THADA: variants seen among roughly 807,000 people sequenced by gnomAD.
The protein encoded by THADA is tRNA (32-2'-O)-methyltransferase regulator THADA.
Under a neutral mutation model 219.8 loss-of-function variants are expected in THADA, and 213 were observed. That is an observed-to-expected ratio of 0.97 (90% CI 0.87 to 1.09). The LOEUF is 1.09. THADA is among the 50% of genes least tolerant of loss of function. The pLI is 0.00. For synonymous variants in THADA, 1,018 were observed against 828.9 expected, an observed-to-expected ratio of 1.23 and a Z score of -3.92; for missense variants, 2,956 against 2,311.3, an observed-to-expected ratio of 1.28 and a Z score of -5.72.
At chr2:43,310,598 A>C (rs1311869453) in intron 31 of THADA, among the ~76,000 whole-genome samples, 1 of 152,220 alleles carries the variant, frequency 6.6e-6, no homozygotes, top group Non-Finnish European at 1.5e-5. Context: ...TTAACTCAAC[A>C]TGGATCATAA....
intron 28 of THADA, among the ~76,000 whole-genome samples, chr2:43,404,158 G>C (rs1353181834): frequency 2.6e-5 from 4 of 152,040 alleles, no homozygotes; most frequent in Admixed American, 2.6e-4. Context: ...GTAATGAAGA[G>C]GGGAACTCCT....
chr2:43,351,916 A>G (rs1038973026), intron 29 of THADA, among the ~76,000 whole-genome samples: 4 of 152,244 alleles, frequency 2.6e-5, no homozygotes, highest in East Asian at 3.8e-4. Context: ...AGGGCCCCCA[A>G]CAAGGGCCCC....
intron 29 of THADA, among the ~76,000 whole-genome samples, chr2:43,344,472 T>C (rs1397616730): frequency 6.6e-6 from 1 of 152,242 alleles, no homozygotes; most frequent in African/African-American, 2.4e-5. Context: ...TCCCCAAAAC[T>C]GATGACTGTG....
chr2:43,564,486 T>C (rs1455606589), intron 15 of THADA: 1 of 152,300 alleles, frequency 6.6e-6, no homozygotes, highest in Non-Finnish European at 1.5e-5. Context: ...AATCTCTCTC[T>C]GCCTCTGTCT....
At chr2:43,561,099 C>T (rs995760011) in intron 15 of THADA, among the ~76,000 whole-genome samples, 19 of 151,350 alleles carry the variant, frequency 1.3e-4, no homozygotes, top group African/African-American at 4.6e-4. Flanking sequence ...ATGACATATC[C>T]TGATAGACTT....
intron 24 of THADA, among the ~76,000 whole-genome samples, chr2:43,502,008 AAACAG>A (rs1478658957): frequency 1.3e-5 from 2 of 152,218 alleles, no homozygotes; most frequent in Admixed American, 6.5e-5. Context: ...GACAGCACAG[AAACAG>A]AACCACCTAT....
intron 28 of THADA, among the ~76,000 whole-genome samples, chr2:43,424,948 T>C (rs906064462): frequency 6.6e-6 from 1 of 152,138 alleles, no homozygotes; most frequent in East Asian, 1.9e-4. Context: ...AGACATTACG[T>C]CTATATCCAG....
chr2:43,497,890 AAAAC>A (rs902781304), intron 25 of THADA, among the ~76,000 whole-genome samples: 5 of 152,114 alleles, frequency 3.3e-5, no homozygotes, highest in African/African-American at 1.2e-4. Flanking sequence ...AACTCAATTA[AAAAC>A]AAACAAACAA....
intron 30 of THADA, among the ~76,000 whole-genome samples, chr2:43,334,448 C>T (rs1399238204): frequency 6.6e-6 from 1 of 152,208 alleles, no homozygotes; most frequent in African/African-American, 2.4e-5. Flanking sequence ...CCTCTACCAT[C>T]TCTTCCCCTC....
At chr2:43,486,749 C>G (rs181333853) in intron 25 of THADA, 1 of 152,242 alleles carries the variant, frequency 6.6e-6, no homozygotes, top group East Asian at 1.9e-4. Context: ...AAATATAAGT[C>G]CAGTTTTGCC....
chr2:43,485,389 T>G, intron 25 of THADA, 64 bp from the exon 26 acceptor site: 1 of 1,140,354 alleles, frequency 8.8e-7, no homozygotes, highest in Non-Finnish European at 1.3e-6. Context: ...ACGTTTACAA[T>G]GTTCAAACTA....
At chr2:43,529,068 T>C (rs908726903) in intron 21 of THADA, among the ~76,000 whole-genome samples, 5 of 152,034 alleles carry the variant, frequency 3.3e-5, no homozygotes, top group African/African-American at 9.7e-5. Context: ...GACAGAACCA[T>C]GGAATTTGCC....
At chr2:43,333,995 G>A (rs78635447) in intron 30 of THADA, among the ~76,000 whole-genome samples, 4,252 of 152,278 alleles carry the variant, frequency 0.028, 72 homozygotes, top group Middle Eastern at 0.068. Context: ...GCTGTTTTCA[G>A]CTGTTGTAAA....
intron 31 of THADA, among the ~76,000 whole-genome samples, chr2:43,306,103 G>C (rs547782863): frequency 6.6e-6 from 1 of 151,998 alleles, no homozygotes; most frequent in Non-Finnish European, 1.5e-5. Flanking sequence ...AAATGAGTCT[G>C]GGAGGTGATT....
intron 26 of THADA, among the ~76,000 whole-genome samples, chr2:43,440,195 A>G (rs1680670769): frequency 6.6e-6 from 1 of 152,186 alleles, no homozygotes; most frequent in African/African-American, 2.4e-5. Context: ...ACAAATAATC[A>G]CATTATATAC....
chr2:43,516,444 A>C (rs1177280153), intron 22 of THADA, among the ~76,000 whole-genome samples: 1 of 152,076 alleles, frequency 6.6e-6, no homozygotes, highest in Non-Finnish European at 1.5e-5. Flanking sequence ...ACCTACCCTA[A>C]GCCCAAGCCT....
At chr2:43,452,753 G>T (rs1330579779) in intron 26 of THADA, among the ~76,000 whole-genome samples, 4 of 152,168 alleles carry the variant, frequency 2.6e-5, no homozygotes, top group Non-Finnish European at 5.9e-5. Flanking sequence ...CAGGCAAACT[G>T]CCAGCTAAAC....
At chr2:43,350,552 A>G (rs962786896) in intron 29 of THADA, among the ~76,000 whole-genome samples, 1 of 152,234 alleles carries the variant, frequency 6.6e-6, no homozygotes, top group African/African-American at 2.4e-5. Context: ...GACTTCCACA[A>G]TGCAGGGTGC....
chr2:43,572,555 G>A (rs1699413089), intron 12 of THADA, among the ~76,000 whole-genome samples: 1 of 152,196 alleles, frequency 6.6e-6, no homozygotes, highest in Non-Finnish European at 1.5e-5. Context: ...AAGGGCACAT[G>A]ATGGCATGCT....
Sources: allele counts gnomAD v4.1 joint callset (sites outside exome capture counted in the v4.1 genomes callset), GRCh38; gene constraint gnomAD v4.1.1; transcripts MANE v1.5; gene names NCBI Gene and HGNC (gene_info 2026-07-23, HGNC 2026-07-21).